The following POLR3GL variants were observed in gnomAD, a reference collection of about 807,000 sequenced individuals.
POLR3GL encodes the protein RNA polymerase III subunit GL, also known as DNA-directed RNA polymerase III subunit RPC7-like.
Under a neutral mutation model 32.4 loss-of-function variants are expected in POLR3GL, and 26 were observed. The ratio of observed to expected loss-of-function variants is 0.80; its 90% CI spans 0.59 to 1.11. The LOEUF (loss-of-function observed/expected upper bound fraction) is 1.11. POLR3GL is among the 50% of genes most tolerant of loss of function. The pLI is 0.00. For missense variants in POLR3GL, 229 were observed against 280.1 expected, an observed-to-expected ratio of 0.82 and a Z score of 1.30; for synonymous variants, 95 against 98.7, an observed-to-expected ratio of 0.96 and a Z score of 0.22.
rs782747011 is a variant in POLR3GL at position 145,977,137 on chromosome 1, A to C, written c.310A>C (p.Ile104Leu). The C allele has an allele frequency of 8.9e-5, 144 of 1,613,652 alleles. 2 individuals are homozygous for C. In the South Asian group the frequency reaches 1.5e-3, roughly 17 times the overall value. ...YQMSGPIDNA[I>L]DWNPDWRRLP... ...GATGTCAGGTCCGATTGACAATGCCATCGATTGGAACCCTGGTAGGTGATG... is the reference window on the plus strand; with the variant it reads ...GATGTCAGGTCCGATTGACAATGCCCTCGATTGGAACCCTGGTAGGTGATG... Residue 104 changes from isoleucine (I) to leucine (L), a missense_variant, in exon 4 of 8, where the codon ATC becomes CTC. Ile to Leu is a conservative substitution (Grantham distance 5). Coordinates refer to ENST00000369314, the MANE Select transcript of POLR3GL (RefSeq NM_032305.3).
intron 1 of POLR3GL, among the ~76,000 whole-genome samples, chr1:145,966,676 T>C (rs2479855): frequency 0.25 from 37,830 of 151,262 alleles, 10,414 homozygotes; most frequent in African/African-American, 0.68. Flanking sequence ...GTAATCCCAG[T>C]TACTCGGGGG....
At chr1:145,970,875 CAAAAAAA>C (rs35524546) in intron 1 of POLR3GL, among the ~76,000 whole-genome samples, 1 of 13,202 alleles carries the variant, frequency 7.6e-5, no homozygotes. Flanking sequence ...AACTCCATCT[CAAAAAAA>C]AAAAAAAAAA....
chr1:145,977,022 C>T (rs1375434178), intron 3 of POLR3GL, 62 bp from the exon 4 acceptor site: 2 of 1,390,574 alleles, frequency 1.4e-6, no homozygotes, highest in Non-Finnish European at 2.0e-6. Flanking sequence ...GGGCTGGACT[C>T]TCAGGAACAG....
rs782784206 is a variant in POLR3GL at position 145,977,151 on chromosome 1, T to C, written c.324T>C (p.Pro108=). ...TTGACAATGCCATCGATTGGAACCC[T>C]GGTAGGTGATGGGCCCTTTCATTGA... ...GPIDNAIDWN[P]DWRRLPRELK... is the part of the protein sequence containing the mutation. Residue 108 remains proline (P), a splice_region_variant and synonymous_variant, in exon 4 of 8, where the codon CCT becomes CCC. Transcript: ENST00000369314. The C allele has an allele frequency of 2.8e-5, 45 of 1,612,150 alleles. No individual in the cohort carries two copies. Among genetic ancestry groups the C allele is most frequent in the Non-Finnish European group, 1.9e-5 (22 of 1,178,336 alleles).
intron 1 of POLR3GL, among the ~76,000 whole-genome samples, chr1:145,967,180 CTTT>C (rs1409457547): frequency 2.8e-5 from 4 of 142,310 alleles, no homozygotes; most frequent in Admixed American, 7.1e-5. Context: ...ATTCTCTCTC[CTTT>C]TTTTTTTTTT....
At chr1:145,977,282 G>A in intron 4 of POLR3GL, 130 bp downstream of exon 4, 1 of 921,090 alleles carries the variant, frequency 1.1e-6, no homozygotes, top group Admixed American at 1.9e-5. Context: ...CTTAGTTATG[G>A]TCCAACACAT....
intron 7 of POLR3GL, 71 bp downstream of exon 7, chr1:145,978,167 G>A: frequency 6.5e-7 from 1 of 1,549,792 alleles, no homozygotes; most frequent in Non-Finnish European, 8.7e-7. Flanking sequence ...TCTCCTCAGA[G>A]GGTTGGCATG....
At chr1:145,977,717 A>C (rs1333514713) in intron 5 of POLR3GL, 61 bp from the exon 6 acceptor site, 1 of 1,483,890 alleles carries the variant, frequency 6.7e-7, no homozygotes, top group African/African-American at 1.4e-5. Flanking sequence ...TTGCATGAGG[A>C]TGGGCTATAA....
intron 1 of POLR3GL, among the ~76,000 whole-genome samples, chr1:145,965,718 GATC>G (rs1382918307): frequency 2.6e-5 from 4 of 152,258 alleles, no homozygotes; most frequent in Admixed American, 1.3e-4. Context: ...CTCTCTTGTA[GATC>G]ATTCAATTTT....
chr1:145,974,131 C>CAAATA (rs1474920128), intron 1 of POLR3GL, among the ~76,000 whole-genome samples: 1 of 151,934 alleles, frequency 6.6e-6, no homozygotes, highest in Non-Finnish European at 1.5e-5. Context: ...GACCCTATCT[C>CAAATA]AAATAAAATA....
intron 2 of POLR3GL, 75 bp downstream of exon 2, chr1:145,975,066 A>G (rs1396279066): frequency 1.3e-6 from 2 of 1,482,036 alleles, no homozygotes; most frequent in Non-Finnish European, 1.8e-6. Flanking sequence ...TTCCTCCTGG[A>G]CCATCATAAA....
chr1:145,970,371 C>G (rs1553762457), intron 1 of POLR3GL, among the ~76,000 whole-genome samples: 1 of 152,118 alleles, frequency 6.6e-6, no homozygotes, highest in Admixed American at 6.5e-5. Context: ...GTCTCAAACT[C>G]CTGGACTTAA....
chr1:145,976,773 C>T (rs1470075593), intron 3 of POLR3GL, among the ~76,000 whole-genome samples: 3 of 151,442 alleles, frequency 2.0e-5, no homozygotes, highest in East Asian at 3.9e-4. Flanking sequence ...ATTAGCTAGG[C>T]GTGGTGGTGT....
chr1:145,978,620 A>G lies in POLR3GL; in HGVS notation c.*173A>G, dbSNP rs189733544. ...TATTTTCTACACTTCCCCTCCTTCC[A>G]CATTTGTATCACCTTTGCTATCTTG... On this transcript the variant is annotated 3_prime_UTR_variant, in exon 8 of 8. Transcript: ENST00000369314. 237 of 625,448 alleles carry G rather than the reference A, an allele frequency of 3.8e-4. 2 individuals carry two copies. In the East Asian group the frequency reaches 6.2e-3, roughly 16 times the overall value. The allele number at this position is 625,448 out of a possible 1,614,324, so 38.7% of individuals were successfully genotyped here.
chr1:145,975,014 C>T (rs782243282), intron 2 of POLR3GL, 23 bp downstream of exon 2: 1 of 1,506,966 alleles, frequency 6.6e-7, no homozygotes, highest in South Asian at 1.4e-5. Context: ...ACTCCCTTCC[C>T]AGACTCTCAT....
At chr1:145,971,989 AATAT>A (rs1165893062) in intron 1 of POLR3GL, among the ~76,000 whole-genome samples, 2,391 of 66,842 alleles carry the variant, frequency 0.036, 162 homozygotes, top group African/African-American at 0.044. Context: ...AAAAAAAAAA[AATAT>A]ATATATATAT....
intron 7 of POLR3GL, 118 bp downstream of exon 7, chr1:145,978,214 C>G (rs1571002817): frequency 1.4e-6 from 2 of 1,425,746 alleles, no homozygotes; most frequent in East Asian, 4.8e-5. Context: ...AGGGGCTTCT[C>G]TCTACTTCAT....
chr1:145,973,961 T>TAAAA (rs35199064), intron 1 of POLR3GL, among the ~76,000 whole-genome samples: 1 of 104,922 alleles, frequency 9.5e-6, no homozygotes, highest in African/African-American at 3.7e-5. Context: ...TCCAGTCTCT[T>TAAAA]AAAAAAAAAA....
intron 1 of POLR3GL, among the ~76,000 whole-genome samples, chr1:145,968,461 C>T (rs959823842): frequency 6.6e-6 from 1 of 152,174 alleles, no homozygotes; most frequent in Admixed American, 6.5e-5. Context: ...TTTGCAGTCA[C>T]AGCAGCTCCT....
Sources: gnomAD v4.1 joint callset for allele counts (sites outside exome capture counted in the v4.1 genomes callset) on GRCh38, gnomAD v4.1.1 for gene constraint, MANE v1.5 for transcripts, NCBI Gene and HGNC (gene_info 2026-07-23, HGNC 2026-07-21) for gene names.